Variants in ASIC2 observed in about 807,000 individuals in gnomAD.
ASIC2 encodes acid sensing ion channel subunit 2.
A neutral mutation model predicts 57.3 loss-of-function variants in ASIC2; 25 were observed. The ratio of observed to expected loss-of-function variants is 0.44; its 90% CI spans 0.32 to 0.61. The LOEUF is 0.61. ASIC2 is among the 20% of genes least tolerant of loss of function. ASIC2 has a pLI of 0.06. For synonymous variants in ASIC2, 319 were observed against 307.5 expected (o/e 1.04, Z -0.39); for missense variants, 641 against 738.1 (o/e 0.87, Z 1.52).
At chr17:33,097,268 C>T (rs546999115) in intron 2 of ASIC2, among the ~76,000 whole-genome samples, 1 of 152,318 alleles carries the variant, frequency 6.6e-6, no homozygotes, top group Non-Finnish European at 1.5e-5. Flanking sequence ...GGCACATGTA[C>T]GGTAAGCTTC....
chr17:33,244,859 C>T (rs319750), intron 1 of ASIC2, among the ~76,000 whole-genome samples: 14,800 of 152,226 alleles, frequency 0.097, 760 homozygotes, highest in Middle Eastern at 0.16. Context: ...AACAAGGTGG[C>T]ACATGTTGGG....
intron 1 of ASIC2, among the ~76,000 whole-genome samples, chr17:33,221,390 T>C (rs924583604): frequency 1.3e-5 from 2 of 152,210 alleles, no homozygotes; most frequent in African/African-American, 2.4e-5. Flanking sequence ...ACAAAAGAGG[T>C]AGAATCTTCA....
chr17:34,096,856 CAAAAAAAAAAA>C (rs71286247), intron 1 of ASIC2, among the ~76,000 whole-genome samples: 7 of 30,118 alleles, frequency 2.3e-4, no homozygotes, highest in African/African-American at 3.1e-4. Flanking sequence ...GACTCCATCT[CAAAAAAAAAAA>C]AAAAAAAAAA....
intron 1 of ASIC2, among the ~76,000 whole-genome samples, chr17:34,000,226 T>C (rs1339685227): frequency 6.6e-6 from 1 of 151,294 alleles, no homozygotes; most frequent in Non-Finnish European, 1.5e-5. Context: ...AGAATTTGAT[T>C]ATAACATATG....
At chr17:33,764,068 C>G (rs1376907267) in intron 1 of ASIC2, among the ~76,000 whole-genome samples, 1 of 152,018 alleles carries the variant, frequency 6.6e-6, no homozygotes, top group Non-Finnish European at 1.5e-5. Context: ...CCGAGGCAGG[C>G]GGATCACGAG....
intron 1 of ASIC2, among the ~76,000 whole-genome samples, chr17:33,405,451 A>G (rs1910435315): frequency 6.7e-6 from 1 of 150,302 alleles, no homozygotes; most frequent in South Asian, 2.1e-4. Context: ...TCTTAGAGAT[A>G]GCACTCCTTT....
chr17:33,908,306 A>AC (rs1244692970), intron 1 of ASIC2, among the ~76,000 whole-genome samples: 9 of 152,202 alleles, frequency 5.9e-5, no homozygotes, highest in African/African-American at 2.2e-4. Flanking sequence ...TGTAATTTGG[A>AC]CTAAAAAATT....
intron 1 of ASIC2, among the ~76,000 whole-genome samples, chr17:33,969,765 GA>G (rs1487874805): frequency 1.3e-5 from 2 of 152,170 alleles, no homozygotes; most frequent in African/African-American, 2.4e-5. Context: ...TGTGGGCTGA[GA>G]AAAAGCCCTG....
intron 3 of ASIC2, among the ~76,000 whole-genome samples, chr17:33,040,595 T>C (rs144683249): frequency 6.6e-6 from 1 of 152,326 alleles, no homozygotes; most frequent in Non-Finnish European, 1.5e-5. Flanking sequence ...TCTAAATGTT[T>C]AGGTCAGAAC....
chr17:33,204,691 G>T (rs1171831296), intron 1 of ASIC2, among the ~76,000 whole-genome samples: 1 of 152,230 alleles, frequency 6.6e-6, no homozygotes, highest in Admixed American at 6.5e-5. Context: ...ATTACAGCCA[G>T]TGAAACTCAA....
chr17:34,087,139 G>T (rs912802351), intron 1 of ASIC2, among the ~76,000 whole-genome samples: 1 of 151,910 alleles, frequency 6.6e-6, no homozygotes, highest in Non-Finnish European at 1.5e-5. Context: ...TCGTCTCGAT[G>T]GTCTTTACAT....
intron 1 of ASIC2, among the ~76,000 whole-genome samples, chr17:33,614,968 G>A (rs112835634): frequency 6.6e-6 from 1 of 152,194 alleles, no homozygotes; most frequent in Admixed American, 6.5e-5. Context: ...TCATAGGCTT[G>A]CTGTGTCTGT....
chr17:33,324,559 A>T (rs1906993366), intron 1 of ASIC2, among the ~76,000 whole-genome samples: 1 of 152,142 alleles, frequency 6.6e-6, no homozygotes, highest in South Asian at 2.1e-4. Flanking sequence ...TAACCTACCT[A>T]GATCTGTGTG....
chr17:33,926,283 G>A (rs1307230802), intron 1 of ASIC2, among the ~76,000 whole-genome samples: 1 of 152,178 alleles, frequency 6.6e-6, no homozygotes, highest in African/African-American at 2.4e-5. Flanking sequence ...AAACCTTGCG[G>A]AAGTATTACA....
At chr17:33,800,235 G>C (rs1912091791) in intron 1 of ASIC2, among the ~76,000 whole-genome samples, 1 of 152,158 alleles carries the variant, frequency 6.6e-6, no homozygotes, top group Admixed American at 6.5e-5. Context: ...TTGCCAGTCT[G>C]CTTCCGATTT....
At chr17:33,070,071 A>G (rs1406107140) in intron 3 of ASIC2, among the ~76,000 whole-genome samples, 2 of 152,200 alleles carry the variant, frequency 1.3e-5, no homozygotes, top group African/African-American at 4.8e-5. Flanking sequence ...GAGTTTATAT[A>G]TAAATCTTTA....
chr17:33,453,731 T>C (rs557455242), intron 1 of ASIC2, among the ~76,000 whole-genome samples: 1 of 152,336 alleles, frequency 6.6e-6, no homozygotes, highest in African/African-American at 2.4e-5. Context: ...ATCAAAATAA[T>C]ATCCATCATC....
At chr17:33,823,202 T>G (rs914216981) in intron 1 of ASIC2, among the ~76,000 whole-genome samples, 3 of 152,196 alleles carry the variant, frequency 2.0e-5, no homozygotes, top group Admixed American at 6.5e-5. Context: ...ACTAGCTCGA[T>G]GACACAAGGC....
intron 1 of ASIC2, among the ~76,000 whole-genome samples, chr17:33,409,732 TG>T (rs957568405): frequency 5.3e-5 from 8 of 152,098 alleles, no homozygotes; most frequent in African/African-American, 1.7e-4. Flanking sequence ...GTCTTATGTG[TG>T]GGGGAGGGGT....
Sources: gnomAD v4.1 joint callset for allele counts (sites outside exome capture counted in the v4.1 genomes callset) on GRCh38, gnomAD v4.1.1 for gene constraint, MANE v1.5 for transcripts, NCBI Gene and HGNC (gene_info 2026-07-23, HGNC 2026-07-21) for gene names.